ARMH1: variants seen among roughly 807,000 people sequenced by gnomAD.
ARMH1 encodes armadillo like helical domain containing 1, also known as armadillo-like helical domain containing protein 1.
ARMH1 carries 34 observed loss-of-function variants against 50.2 expected under a neutral mutation model. That is an observed-to-expected ratio of 0.68 (90% CI 0.51 to 0.90). The LOEUF (loss-of-function observed/expected upper bound fraction) is 0.90, where lower values mean the gene tolerates loss of function less well. Ranked by LOEUF, ARMH1 falls within the 40% of genes least tolerant of loss-of-function variation. The pLI is 0.00. For missense variants in ARMH1, 538 were observed against 553.9 expected, an observed-to-expected ratio of 0.97 and a Z score of 0.29; for synonymous variants, 221 against 224.2, an observed-to-expected ratio of 0.99 and a Z score of 0.13.
chr1:44,723,664 G>C (rs548721047), intron 6 of ARMH1: 1 of 156,374 alleles, frequency 6.4e-6, no homozygotes, highest in Non-Finnish European at 1.4e-5. Context: ...GAGAGGGCTC[G>C]ATGATGGTTA....
At chr1:44,695,738 G>A (rs1487886461) in intron 2 of ARMH1, among the ~76,000 whole-genome samples, 1 of 151,950 alleles carries the variant, frequency 6.6e-6, no homozygotes, top group Admixed American at 6.6e-5. Context: ...TTACAAGTCC[G>A]AAACTAGTCT....
rs1424320176 is a variant in ARMH1 at position 44,725,443 on chromosome 1, C to T, written c.*40C>T. 3 of 1,545,682 alleles carry T rather than the reference C, an allele frequency of 1.9e-6. No homozygotes were observed. The highest frequency in any genetic ancestry group is 2.6e-6 in the Non-Finnish European group (3 of 1,141,858). ...AACCAGGAAGGCCAAGGCTGCGGGG[C>T]AGGGAAGCCTGGCAAGAGGAAGGCG... is the stretch of plus-strand genomic sequence containing the variant. On this transcript the variant is annotated 3_prime_UTR_variant, in exon 12 of 12. Transcript: ENST00000535358.
rs544760704 is a variant in ARMH1, at chr1:44,698,030, G to T, written c.276-33G>T. On this transcript the variant is annotated intron_variant, in intron 3 of 11. Coordinates refer to ENST00000535358, the MANE Select transcript of ARMH1 (RefSeq NM_001145636.2). ...CTCAGTGCAAAGGAACTTGACAAGA[G>T]TTTTATTTCTACTTTTCTATCCCTC... 5.0e-5 allele frequency: 75 copies of T among 1,499,192 alleles called. No individual in the cohort carries two copies. In the South Asian group the frequency reaches 9.2e-4, roughly 18 times the overall value. 92.9% of individuals were successfully genotyped at this position (1,499,192 alleles called of 1,614,324 possible). A position where few individuals can be genotyped will look rare whatever the true frequency, so the allele number is the denominator to read the frequency against.
rs181042576 is a variant in ARMH1 at position 44,705,639 on chromosome 1, A to G, written c.724+1466A>G. On this transcript the variant is annotated intron_variant, in intron 6 of 11. Coordinates refer to ENST00000535358, the MANE Select transcript of ARMH1 (RefSeq NM_001145636.2). The stretch of plus-strand genomic sequence containing the variant: ...TTTTCAAGATACAACAATAAAGCAC[A>G]GAGAGATTAAGTATGCTTCCCAAGG... Among the ~76,000 whole-genome samples the G allele has an allele frequency of 1.9e-3, 297 of 152,352 alleles. No homozygotes were observed. The Middle Eastern group carries it at 0.037, about 19-fold the overall frequency.
intron 1 of ARMH1, among the ~76,000 whole-genome samples, chr1:44,678,057 T>G (rs1645193254): frequency 6.6e-6 from 1 of 151,762 alleles, no homozygotes; most frequent in Non-Finnish European, 1.5e-5. Flanking sequence ...AGGCTGAGGA[T>G]GGAGGAGACT....
chr1:44,721,678 G>T (rs578247643), intron 6 of ARMH1: 1 of 152,024 alleles, frequency 6.6e-6, no homozygotes, highest in Non-Finnish European at 1.5e-5. Context: ...GTAGTGAGCC[G>T]CGACCACACC....
chr1:44,683,931 T>C lies in ARMH1; in HGVS notation c.-22-5745T>C, dbSNP rs1019997635. On this transcript the variant is annotated intron_variant, in intron 1 of 11. Coordinates refer to ENST00000535358, the MANE Select transcript of ARMH1 (RefSeq NM_001145636.2). The surrounding 1 kb of genome is among the most constrained non-coding windows in gnomAD (Gnocchi z 4.2). The stretch of plus-strand genomic sequence containing the variant: ...ACTTTGGGAGGCCAAGGTGGGAAGA[T>C]AGCTTGAGGCCAGGAGTTTGAGATC... 6.6e-6 allele frequency among the ~76,000 whole-genome samples: 1 copy of C among 152,118 alleles called. No individual in the cohort carries two copies. Among genetic ancestry groups the C allele is most frequent in the East Asian group, 1.9e-4 (1 of 5,196 alleles).
At chr1:44,720,352 G>T (rs1647046537) in intron 6 of ARMH1, among the ~76,000 whole-genome samples, 1 of 152,186 alleles carries the variant, frequency 6.6e-6, no homozygotes, top group Admixed American at 6.5e-5. Flanking sequence ...CTCCTCTGGG[G>T]TCATCCACCA....
In ARMH1 at chr1:44,724,801, C is replaced by T. The variant is rs1489884646; in HGVS notation, c.1090C>T (p.Arg364Cys). 2 of 1,543,550 alleles carry T rather than the reference C, an allele frequency of 1.3e-6. No individual in the cohort carries two copies. The highest frequency in any genetic ancestry group is 2.4e-5 in the East Asian group (1 of 40,898). Residue 364 changes from arginine (R) to cysteine (C), a missense_variant, in exon 10 of 12, where the codon CGC becomes TGC. Transcript: ENST00000535358. This position sits in a 1 kb window ranked among gnomAD's most constrained non-coding sequence, Gnocchi z 6.4. The part of the protein sequence containing the change: ...QMFPLVAEHV[R>C]KCMGEELYQL... ...GTTCCCCTTGGTGGCGGAGCACGTG[C>T]GCAAGTGCATGGGGGAGGAACTCTA...
At chr1:44,721,904 G>C (rs3008978) in intron 6 of ARMH1, 10 of 152,150 alleles carry the variant, frequency 6.6e-5, no homozygotes, top group Non-Finnish European at 1.2e-4. Context: ...CCAGAGATCT[G>C]CCTGTTAGCC....
rs925160509 is a variant in ARMH1 at position 44,708,050 on chromosome 1, C to A, written c.724+3877C>A. 1.3e-5 allele frequency among the ~76,000 whole-genome samples: 2 copies of A among 152,166 alleles called. 1 individual carries two copies. The highest frequency in any genetic ancestry group is 4.1e-4 in the South Asian group (2 of 4,834). Reference sequence around the variant, plus strand: ...CCTATAACTCCAAATGTAGAGAATGCGTATGCAATGATTTCCCACTAGGGA... The same window carrying A: ...CCTATAACTCCAAATGTAGAGAATGAGTATGCAATGATTTCCCACTAGGGA... On this transcript the variant is annotated intron_variant, in intron 6 of 11. Coordinates refer to ENST00000535358, the MANE Select transcript of ARMH1 (RefSeq NM_001145636.2).
At chr1:44,707,363 C>A (rs1646391501) in intron 6 of ARMH1, among the ~76,000 whole-genome samples, 1 of 152,148 alleles carries the variant, frequency 6.6e-6, no homozygotes, top group Non-Finnish European at 1.5e-5. Flanking sequence ...GGGACTGGGT[C>A]TGATTCATCT....
chr1:44,702,039 A>C (rs1646105940), intron 5 of ARMH1, among the ~76,000 whole-genome samples: 1 of 152,152 alleles, frequency 6.6e-6, no homozygotes, highest in South Asian at 2.1e-4. Flanking sequence ...CAGGAGTTCG[A>C]GGCTGCAATG....
intron 5 of ARMH1, among the ~76,000 whole-genome samples, chr1:44,702,353 G>A (rs952771543): frequency 5.3e-5 from 8 of 152,068 alleles, no homozygotes; most frequent in African/African-American, 9.7e-5. Context: ...TTTACCAATC[G>A]AGAATTTAAA....
At chr1:44,697,973 G>A (rs969194244) in intron 3 of ARMH1, 90 bp from the exon 4 acceptor site, 8 of 1,062,032 alleles carry the variant, frequency 7.5e-6, no homozygotes, top group Middle Eastern at 2.5e-4. Flanking sequence ...GGCAAAGTAT[G>A]TAAAGAGGGG....
intron 6 of ARMH1, among the ~76,000 whole-genome samples, chr1:44,711,441 C>T (rs1200378067): frequency 7.1e-4 from 108 of 152,304 alleles, no homozygotes; most frequent in Non-Finnish European, 3.2e-4. Context: ...TGAACATAGA[C>T]GTGTTTCATA....
chr1:44,678,996 C>T (rs545675771), intron 1 of ARMH1, among the ~76,000 whole-genome samples: 4 of 152,190 alleles, frequency 2.6e-5, no homozygotes, highest in Admixed American at 2.6e-4. Context: ...TGGATGAGTC[C>T]AGATTTATTA....
At chr1:44,709,401 G>A (rs534077018) in intron 6 of ARMH1, among the ~76,000 whole-genome samples, 75 of 152,268 alleles carry the variant, frequency 4.9e-4, no homozygotes, top group Non-Finnish European at 7.6e-4. Flanking sequence ...AGGCAGGCGC[G>A]GTGGCTCACG....
chr1:44,697,995 T>G, intron 3 of ARMH1, 68 bp from the exon 4 acceptor site: 1 of 1,312,712 alleles, frequency 7.6e-7, no homozygotes, highest in Non-Finnish European at 1.0e-6. Context: ...CCTTGGGATC[T>G]CTTTGAAAGC....
Sources: gnomAD v4.1 joint callset for allele counts (sites outside exome capture counted in the v4.1 genomes callset) on GRCh38, gnomAD v4.1.1 for gene constraint, Gnocchi (gnomAD v3.1) non-coding constraint, MANE v1.5 for transcripts, NCBI Gene and HGNC (gene_info 2026-07-23, HGNC 2026-07-21) for gene names.